SOX6: variants seen among roughly 807,000 people sequenced by gnomAD.
The protein encoded by SOX6 is SRY-box transcription factor 6, also known as transcription factor SOX-6.
SOX6 carries 11 observed loss-of-function variants against 97.8 expected under a neutral mutation model. That is an observed-to-expected ratio of 0.11 (90% CI 0.07 to 0.19). The LOEUF is 0.19. SOX6 is among the 10% of genes least tolerant of loss of function. SOX6 has a pLI of 1.00. For missense variants in SOX6, 810 were observed against 1,039.5 expected (o/e 0.78, Z 3.04); for synonymous variants, 360 against 371.4 (o/e 0.97, Z 0.35).
intron 6 of SOX6, among the ~76,000 whole-genome samples, chr11:16,122,350 T>C (rs1849513825): frequency 6.6e-6 from 1 of 152,006 alleles, no homozygotes; most frequent in African/African-American, 2.4e-5. Flanking sequence ...TCCAGAGAAG[T>C]ATGAAACATA....
chr11:16,218,838 T>G (rs1590039145), intron 4 of SOX6, among the ~76,000 whole-genome samples: 1 of 152,066 alleles, frequency 6.6e-6, no homozygotes, highest in East Asian at 1.9e-4. Context: ...AATACTTGGG[T>G]TTTTCTACCT....
chr11:16,692,788 G>A (rs368901365), intron 3 of SOX6, among the ~76,000 whole-genome samples: 1 of 151,960 alleles, frequency 6.6e-6, no homozygotes, highest in Admixed American at 6.6e-5. Flanking sequence ...ATAAAGTTTT[G>A]TATCCTACTT....
At chr11:15,979,042 C>CATAT (rs57062569) in intron 15 of SOX6, among the ~76,000 whole-genome samples, 2,246 of 107,060 alleles carry the variant, frequency 0.021, 77 homozygotes, top group African/African-American at 0.058. Context: ...ATATATTTTA[C>CATAT]ATATATATAT....
intron 9 of SOX6, among the ~76,000 whole-genome samples, chr11:16,075,577 G>A (rs929517760): frequency 3.3e-5 from 5 of 152,002 alleles, no homozygotes; most frequent in Admixed American, 1.3e-4. Context: ...AACACCACAC[G>A]TTCTCACTCA....
At chr11:16,265,467 C>G (rs1251131489) in intron 3 of SOX6, among the ~76,000 whole-genome samples, 1 of 151,718 alleles carries the variant, frequency 6.6e-6, no homozygotes, top group Non-Finnish European at 1.5e-5. Context: ...TTCCAAGAAA[C>G]TTAAAGCATC....
At chr11:16,423,285 TTCAGG>T (rs1590197352) in intron 1 of SOX6, among the ~76,000 whole-genome samples, 1 of 152,180 alleles carries the variant, frequency 6.6e-6, no homozygotes, top group East Asian at 1.9e-4. Context: ...TCTCACTTTG[TTCAGG>T]TGTCTCTTCA....
rs1468644966 is a variant in SOX6, at chr11:16,135,405, A to G, written c.778-23482T>C. On this transcript the variant is annotated intron_variant, in intron 6 of 15. Coordinates refer to ENST00000683767, the MANE Select transcript of SOX6 (RefSeq NM_001367873.1). ...CAAATCTAGGCAAAATAAATTGAAA[A>G]CCTTCTGGATTTGCCATTCTAGATG... Among the ~76,000 whole-genome samples the G allele has an allele frequency of 2.6e-5, 4 of 152,160 alleles. No individual in the cohort carries two copies. In the East Asian group the frequency reaches 7.7e-4, roughly 29 times the overall value.
At chr11:16,056,551 C>A (rs747427547) in intron 9 of SOX6, among the ~76,000 whole-genome samples, 6 of 152,144 alleles carry the variant, frequency 3.9e-5, no homozygotes, top group Non-Finnish European at 7.4e-5. Context: ...TGAACCCAAA[C>A]CAGGTAACAA....
At chr11:16,195,266 C>T (rs1251567165) in intron 4 of SOX6, among the ~76,000 whole-genome samples, 2 of 152,124 alleles carry the variant, frequency 1.3e-5, no homozygotes, top group Non-Finnish European at 2.9e-5. Flanking sequence ...AGTAATTTGA[C>T]CAAGTCATAG....
intron 1 of SOX6, among the ~76,000 whole-genome samples, chr11:16,405,383 A>T (rs576506410): frequency 6.6e-6 from 1 of 152,120 alleles, no homozygotes; most frequent in Admixed American, 6.6e-5. Context: ...GTGCACAATA[A>T]TAAGGACCTT....
At chr11:16,459,074 G>T (rs866151897) in intron 1 of SOX6, among the ~76,000 whole-genome samples, 1 of 152,008 alleles carries the variant, frequency 6.6e-6, no homozygotes, top group African/African-American at 2.4e-5. Context: ...GTTAGGGAAA[G>T]ATACACTTAA....
chr11:16,136,436 C>A (rs181429974), intron 6 of SOX6, among the ~76,000 whole-genome samples: 53 of 146,854 alleles, frequency 3.6e-4, no homozygotes, highest in African/African-American at 1.3e-3. Flanking sequence ...GGTCTCACTT[C>A]GTCACCCAGG....
At chr11:16,084,991 C>A (rs902367549) in intron 9 of SOX6, among the ~76,000 whole-genome samples, 9 of 152,140 alleles carry the variant, frequency 5.9e-5, no homozygotes, top group Admixed American at 1.3e-4. Context: ...AATTTCCACC[C>A]AAATTAGTCA....
At chr11:15,998,547 GT>G (rs1313854066) in intron 13 of SOX6, among the ~76,000 whole-genome samples, 2 of 151,682 alleles carry the variant, frequency 1.3e-5, no homozygotes, top group African/African-American at 2.4e-5. Flanking sequence ...ATTCCTCAAA[GT>G]TTTTTCATAT....
rs188643400 is a variant in SOX6, at chr11:16,304,343, C to T, written c.445+14103G>A. ...ATTAAGAGATGGTGGCCTTTGAGAA[C>T]TGATTAGATCATGAGGGCTCCACCT... On this transcript the variant is annotated intron_variant, in intron 3 of 15. Coordinates refer to ENST00000683767, the MANE Select transcript of SOX6 (RefSeq NM_001367873.1). Among the ~76,000 whole-genome samples, 72 of 152,204 alleles carry T rather than the reference C, an allele frequency of 4.7e-4. 2 individuals are homozygous for T. In the East Asian group the frequency reaches 0.012, roughly 26 times the overall value.
At chr11:16,443,283 T>C (rs1465677880) in intron 1 of SOX6, among the ~76,000 whole-genome samples, 1 of 152,208 alleles carries the variant, frequency 6.6e-6, no homozygotes, top group African/African-American at 2.4e-5. Flanking sequence ...GTCTCTACAT[T>C]AGAGTTTTAA....
intron 13 of SOX6, among the ~76,000 whole-genome samples, chr11:15,999,292 T>C (rs1854328233): frequency 6.6e-6 from 1 of 152,142 alleles, no homozygotes; most frequent in African/African-American, 2.4e-5. Flanking sequence ...GTAGTGAAAG[T>C]ATAAAACAGC....
intron 3 of SOX6, chr11:16,252,511 G>C (rs1209079894): frequency 6.6e-6 from 1 of 152,182 alleles, no homozygotes; most frequent in Non-Finnish European, 1.5e-5. Flanking sequence ...CAGTCAAAAG[G>C]GGATGGCCAC....
chr11:15,974,927 AG>A (rs1853430176), intron 15 of SOX6, among the ~76,000 whole-genome samples: 1 of 152,200 alleles, frequency 6.6e-6, no homozygotes, highest in African/African-American at 2.4e-5. Flanking sequence ...CCTTGCTTCA[AG>A]CCCTGCATTC....
Sources: allele counts gnomAD v4.1 joint callset (sites outside exome capture counted in the v4.1 genomes callset), GRCh38; gene constraint gnomAD v4.1.1; transcripts MANE v1.5; gene names NCBI Gene and HGNC (gene_info 2026-07-23, HGNC 2026-07-21).